The following GAB2 variants were observed in gnomAD, a reference collection of about 807,000 sequenced individuals.
The protein encoded by GAB2 is GRB2 associated binding protein 2.
GAB2 carries 26 observed loss-of-function variants against 65.5 expected under a neutral mutation model. The ratio of observed to expected loss-of-function variants is 0.40; its 90% CI spans 0.29 to 0.55. The LOEUF (loss-of-function observed/expected upper bound fraction) is 0.55. Ranked by LOEUF, GAB2 falls within the 20% of genes least tolerant of loss-of-function variation. The pLI, the probability that GAB2 is intolerant of heterozygous loss-of-function variation, is 0.53. For synonymous variants in GAB2, 321 were observed against 329.6 expected, an observed-to-expected ratio of 0.97 and a Z score of 0.28; for missense variants, 884 against 875.8, an observed-to-expected ratio of 1.01 and a Z score of -0.12.
Position 78,223,443 on chromosome 11 carries a change from A to G in GAB2, c.1536T>C (p.Pro512=). 6.3e-7 allele frequency: 1 copy of G among 1,575,812 alleles called. No homozygotes were observed. The highest frequency in any genetic ancestry group is 2.3e-5 in the East Asian group (1 of 44,050). The change falls in exon 6 of 10, where the codon CCT becomes CCC. Residue 512 remains proline, a synonymous_variant. Coordinates refer to ENST00000361507, the MANE Select transcript of GAB2 (RefSeq NM_080491.3). ...PSRGSEIQPP[P]VNRNLKPDRK... is the part of the protein sequence containing the mutation. ...GATCAGGTTTGAGGTTGCGGTTGACAGGGGGTGGCTGAATCTCACTTCCTC... is the reference window on the plus strand; with the variant it reads ...GATCAGGTTTGAGGTTGCGGTTGACGGGGGGTGGCTGAATCTCACTTCCTC...
chr11:78,394,154 G>A (rs973594317), intron 1 of GAB2, among the ~76,000 whole-genome samples: 1 of 152,168 alleles, frequency 6.6e-6, no homozygotes, highest in African/African-American at 2.4e-5. Flanking sequence ...TGGGCGTGGT[G>A]GCACGCATCT....
At chr11:78,290,152 T>C (rs1177795166) in intron 1 of GAB2, among the ~76,000 whole-genome samples, 1 of 152,152 alleles carries the variant, frequency 6.6e-6, no homozygotes, top group African/African-American at 2.4e-5. Context: ...GCTGTTGCGA[T>C]AGTCTGCAAT....
At chr11:78,389,541 C>T (rs1034069726) in intron 1 of GAB2, among the ~76,000 whole-genome samples, 1 of 152,186 alleles carries the variant, frequency 6.6e-6, no homozygotes, top group African/African-American at 2.4e-5. Context: ...CTCCCAACCT[C>T]AGGTGATCCA....
rs561544945 is a variant in GAB2, at chr11:78,308,137, CATATT to C, written c.76-27241_76-27237del. Among the ~76,000 whole-genome samples, 29 of 152,212 alleles carry C rather than the reference CATATT, an allele frequency of 1.9e-4. No individual in the cohort carries two copies. In the South Asian group the frequency reaches 5.4e-3, roughly 28 times the overall value. ...GGCCTATAACACTTACAATACAAGA[CATATT>C]ATAAGTGTTAAAACAGGGAGAGAGA... is the stretch of plus-strand genomic sequence containing the variant. On this transcript the variant is annotated intron_variant, in intron 1 of 9. Transcript: ENST00000361507.
chr11:78,310,306 T>C (rs555121053), intron 1 of GAB2, among the ~76,000 whole-genome samples: 246 of 147,024 alleles, frequency 1.7e-3, no homozygotes, highest in Non-Finnish European at 3.0e-3. Flanking sequence ...ATCAAGACCA[T>C]CCTGGCTAAC....
chr11:78,294,395 T>C lies in GAB2; in HGVS notation c.76-13494A>G, dbSNP rs569398461. On this transcript the variant is annotated intron_variant, in intron 1 of 9. Transcript: ENST00000361507. Reference sequence around the variant, plus strand: ...AAACATACAGGTGCATGTGTCTTTATAGTAGCATGATTTATAATCCTTTGG... The same window carrying C: ...AAACATACAGGTGCATGTGTCTTTACAGTAGCATGATTTATAATCCTTTGG... 4.4e-3 allele frequency among the ~76,000 whole-genome samples: 675 copies of C among 152,348 alleles called. 4 individuals are homozygous for C. Among genetic ancestry groups the C allele is most frequent in the African/African-American group, 0.015 (641 of 41,570 alleles).
intron 1 of GAB2, among the ~76,000 whole-genome samples, chr11:78,321,161 T>C (rs1855716436): frequency 6.6e-6 from 1 of 152,004 alleles, no homozygotes; most frequent in South Asian, 2.1e-4. Flanking sequence ...ATAGGAAAGG[T>C]AACTGAAGCC....
intron 1 of GAB2, chr11:78,318,118 T>A (rs1855648413): frequency 6.6e-6 from 1 of 151,820 alleles, no homozygotes; most frequent in Non-Finnish European, 1.5e-5. Flanking sequence ...ACTAGAGGGT[T>A]ACAGGAACAG....
chr11:78,222,625 C>T (rs1036899843), intron 6 of GAB2, among the ~76,000 whole-genome samples: 1 of 151,816 alleles, frequency 6.6e-6, no homozygotes, highest in African/African-American at 2.4e-5. Flanking sequence ...CTCTGTTGCT[C>T]AGGCTGGAGT....
chr11:78,326,456 C>T (rs943189509), intron 1 of GAB2, among the ~76,000 whole-genome samples: 2 of 151,968 alleles, frequency 1.3e-5, no homozygotes, highest in African/African-American at 4.8e-5. Flanking sequence ...TAACAGTAAA[C>T]CCTACTGAAT....
At position 78,219,163 on chromosome 11, in the gene GAB2, G is replaced by T; in HGVS notation, c.*109C>A. 1 of 1,046,760 alleles carries T rather than the reference G, an allele frequency of 9.6e-7. No homozygotes were observed. The highest frequency in any genetic ancestry group is 1.4e-6 in the Non-Finnish European group (1 of 706,636). 64.8% of individuals were successfully genotyped at this position (1,046,760 alleles called of 1,614,324 possible). A position where few individuals can be genotyped will look rare whatever the true frequency, so the allele number is the denominator to read the frequency against. On this transcript the variant is annotated 3_prime_UTR_variant, in exon 10 of 10. Transcript: ENST00000361507. Reference sequence around the variant, plus strand: ...TCAAGTGCTTTGAAGGCTGAGACTGGCAGAGTAGAGAGGAGGTGGATGGGA... The same window carrying T: ...TCAAGTGCTTTGAAGGCTGAGACTGTCAGAGTAGAGAGGAGGTGGATGGGA...
intron 1 of GAB2, among the ~76,000 whole-genome samples, chr11:78,355,964 G>A (rs942223314): frequency 6.6e-6 from 1 of 151,930 alleles, no homozygotes; most frequent in Non-Finnish European, 1.5e-5. Context: ...CTTGAGGTCA[G>A]GAGTTCAAGA....
chr11:78,407,806 G>C (rs1213685359), intron 1 of GAB2, among the ~76,000 whole-genome samples: 1 of 151,990 alleles, frequency 6.6e-6, no homozygotes, highest in Non-Finnish European at 1.5e-5. Flanking sequence ...GAAAGAAAAA[G>C]AGGGCATTTT....
chr11:78,342,232 T>C (rs1202214698), intron 1 of GAB2, among the ~76,000 whole-genome samples: 1 of 152,194 alleles, frequency 6.6e-6, no homozygotes, highest in Non-Finnish European at 1.5e-5. Flanking sequence ...CTACCCTCTG[T>C]GCCTCTTCTC....
At chr11:78,260,870 T>A (rs1865709539) in intron 2 of GAB2, among the ~76,000 whole-genome samples, 1 of 152,192 alleles carries the variant, frequency 6.6e-6, no homozygotes, top group South Asian at 2.1e-4. Flanking sequence ...GCTGTTAGAA[T>A]CCAGGATCCA....
At chr11:78,339,018 G>T (rs1025611543) in intron 1 of GAB2, among the ~76,000 whole-genome samples, 10 of 152,018 alleles carry the variant, frequency 6.6e-5, no homozygotes, top group Non-Finnish European at 1.5e-4. Flanking sequence ...CGCCTCCCAG[G>T]TTCAAGCAAT....
chr11:78,254,692 AG>A, intron 2 of GAB2, among the ~76,000 whole-genome samples: 1 of 152,182 alleles, frequency 6.6e-6, no homozygotes, highest in African/African-American at 2.4e-5. Context: ...CTAGCTACTT[AG>A]GAGGCTGAGG....
At chr11:78,398,620 A>G (rs1856932247) in intron 1 of GAB2, among the ~76,000 whole-genome samples, 1 of 152,204 alleles carries the variant, frequency 6.6e-6, no homozygotes, top group Non-Finnish European at 1.5e-5. Context: ...AAGTGAAAAA[A>G]TTCACAATGT....
chr11:78,250,420 C>T lies in GAB2; in HGVS notation c.377-20G>A, dbSNP rs1865421386. ...GGGAGTCTGAAAAGGAGAAATAGCT[C>T]TGTGAATGAAAAAGGAAGGAAATGT... On this transcript the variant is annotated intron_variant, in intron 2 of 9. Transcript: ENST00000361507. 1 of 1,607,810 alleles carries T rather than the reference C, an allele frequency of 6.2e-7. No individual in the cohort carries two copies. The highest frequency in any genetic ancestry group is 1.1e-5 in the South Asian group (1 of 90,890).
Sources: gnomAD v4.1 joint callset for allele counts (sites outside exome capture counted in the v4.1 genomes callset) on GRCh38, gnomAD v4.1.1 for gene constraint, MANE v1.5 for transcripts, NCBI Gene and HGNC (gene_info 2026-07-23, HGNC 2026-07-21) for gene names.